FAM229B: variants seen among roughly 807,000 people sequenced by gnomAD.
FAM229B encodes the protein family with sequence similarity 229 member B.
Under a neutral mutation model 6.7 loss-of-function variants are expected in FAM229B, and 2 were observed. The observed-to-expected ratio is 0.30, with a 90% CI of 0.12 to 0.94. The LOEUF is 0.94. Ranked by LOEUF, FAM229B falls within the 40% of genes least tolerant of loss-of-function variation. FAM229B has a pLI of 0.54. For missense variants in FAM229B, 93 were observed against 96.2 expected, an observed-to-expected ratio of 0.97 and a Z score of 0.14; for synonymous variants, 29 against 34.0, an observed-to-expected ratio of 0.85 and a Z score of 0.51.
At chr6:112,094,235 G>C (rs1777293604) in intron 1 of FAM229B, among the ~76,000 whole-genome samples, 1 of 152,038 alleles carries the variant, frequency 6.6e-6, no homozygotes. Flanking sequence ...ATAGTAAATA[G>C]AAAATAGAGA....
intron 2 of FAM229B, 87 bp from the exon 3 acceptor site, chr6:112,099,183 A>AT: frequency 8.4e-7 from 1 of 1,183,878 alleles, no homozygotes; most frequent in Admixed American, 2.2e-5. Context: ...AAAACATTCC[A>AT]TGCAAGTCTT....
At chr6:112,091,686 C>T (rs782708655) in intron 1 of FAM229B, among the ~76,000 whole-genome samples, 2 of 151,920 alleles carry the variant, frequency 1.3e-5, no homozygotes, top group Non-Finnish European at 2.9e-5. Context: ...ATGCCTGGCA[C>T]CCAAGTCAAA....
intron 1 of FAM229B, among the ~76,000 whole-genome samples, chr6:112,088,645 G>A (rs1311659128): frequency 1.3e-5 from 2 of 151,950 alleles, no homozygotes; most frequent in Non-Finnish European, 2.9e-5. Flanking sequence ...TTGGTAATAG[G>A]CAGCTTTCGG....
chr6:112,095,657 A>C (rs1777313591), intron 1 of FAM229B, among the ~76,000 whole-genome samples: 2 of 141,136 alleles, frequency 1.4e-5, no homozygotes, highest in Non-Finnish European at 3.1e-5. Context: ...AAAAAAAAAA[A>C]AAACCAAAAA....
At chr6:112,091,353 T>C (rs1777254375) in intron 1 of FAM229B, among the ~76,000 whole-genome samples, 1 of 152,138 alleles carries the variant, frequency 6.6e-6, no homozygotes, top group Non-Finnish European at 1.5e-5. Context: ...ATGGAAACTA[T>C]GTAAGACTGA....
chr6:112,098,347 G>T (rs1777353792), intron 2 of FAM229B, among the ~76,000 whole-genome samples: 1 of 152,104 alleles, frequency 6.6e-6, no homozygotes, highest in African/African-American at 2.4e-5. Context: ...ATATGTGTTT[G>T]TGTGTGTATT....
At position 112,087,707 on chromosome 6, in the gene FAM229B, G is replaced by A. The variant is rs1777194120; in HGVS notation, c.-189G>A. 2.1e-6 allele frequency: 1 copy of A among 471,926 alleles called. No homozygotes were observed. Among genetic ancestry groups the A allele is most frequent in the Non-Finnish European group, 3.8e-6 (1 of 265,410 alleles). 29.2% of individuals were successfully genotyped at this position (471,926 alleles called of 1,614,324 possible). A position where few individuals can be genotyped will look rare whatever the true frequency, so the allele number is the denominator to read the frequency against. On this transcript the variant is annotated 5_prime_UTR_variant, in exon 1 of 4. Transcript: ENST00000368656. ...TCGAGCATCGGCAGCTCCGGAGGCC[G>A]GGGTAACTGGCAGGTAACTAGGCTT...
chr6:112,092,862 AC>A (rs1777275561), intron 1 of FAM229B, among the ~76,000 whole-genome samples: 1 of 151,948 alleles, frequency 6.6e-6, no homozygotes, highest in South Asian at 2.1e-4. Context: ...TATACTATAA[AC>A]CCTAAAGTAA....
At chr6:112,095,635 C>CAAAAAAAAAAAAAAAAAACAAAAAAAA (rs1777311466) in intron 1 of FAM229B, among the ~76,000 whole-genome samples, 1 of 48,796 alleles carries the variant, frequency 2.0e-5, no homozygotes, top group Non-Finnish European at 3.6e-5. Context: ...GACCCTGTCT[C>CAAAAAAAAAAAAAAAAAACAAAAAAAA]AAAAAAAAAA....
chr6:112,099,888 T>C (rs1401552464), intron 3 of FAM229B, among the ~76,000 whole-genome samples: 1 of 152,240 alleles, frequency 6.6e-6, no homozygotes, highest in Non-Finnish European at 1.5e-5. Context: ...AAGAGTGATA[T>C]AGAATCTGAA....
At chr6:112,091,364 G>A (rs1398718235) in intron 1 of FAM229B, among the ~76,000 whole-genome samples, 1 of 152,114 alleles carries the variant, frequency 6.6e-6, no homozygotes, top group East Asian at 1.9e-4. Context: ...GTAAGACTGA[G>A]GAAAGAACCA....
rs1315919345 is a variant in FAM229B, at chr6:112,102,687, T to G, written c.*1900T>G. On this transcript the variant is annotated 3_prime_UTR_variant, in exon 4 of 4. Coordinates refer to ENST00000368656, the MANE Select transcript of FAM229B (RefSeq NM_001033564.3). ...CTACTCTGGACTTGCCCTAACAGAG[T>G]TTAAGAGCAACATTTGAAAGGATCA... is the stretch of plus-strand genomic sequence containing the variant. The G allele has an allele frequency of 6.6e-6, 1 of 151,750 alleles. No individual in the cohort carries two copies. The highest frequency in any genetic ancestry group is 2.4e-5 in the African/African-American group (1 of 41,246). The allele number at this position is 151,750 out of a possible 1,614,324, so 9.4% of individuals were successfully genotyped here. A position where few individuals can be genotyped will look rare whatever the true frequency, so the allele number is the denominator to read the frequency against.
intron 1 of FAM229B, among the ~76,000 whole-genome samples, chr6:112,094,130 G>A (rs1217632255): frequency 1.3e-5 from 2 of 152,022 alleles, no homozygotes; most frequent in African/African-American, 2.4e-5. Context: ...AATGACCTAA[G>A]CTTCTACCTT....
intron 1 of FAM229B, among the ~76,000 whole-genome samples, chr6:112,087,970 T>G (rs1777200191): frequency 6.6e-6 from 1 of 152,200 alleles, no homozygotes; most frequent in South Asian, 2.1e-4. Context: ...TGAAACTAGA[T>G]GGTTATACGC....
Position 112,101,051 on chromosome 6 carries a change from A to C in FAM229B, c.*264A>C. On this transcript the variant is annotated 3_prime_UTR_variant, in exon 4 of 4. Transcript: ENST00000368656. ...TCATCTTGCTCACAGTAGATCATTA[A>C]TATCAATAATTAAAGATGAAGCTTA... 1 of 293,720 alleles carries C rather than the reference A, an allele frequency of 3.4e-6. No individual in the cohort carries two copies. The highest frequency in any genetic ancestry group is 7.8e-5 in the South Asian group (1 of 12,786). The allele number at this position is 293,720 out of a possible 1,614,324, so 18.2% of individuals were successfully genotyped here. A position where few individuals can be genotyped will look rare whatever the true frequency, so the allele number is the denominator to read the frequency against.
chr6:112,099,886 T>C (rs1392504525), intron 3 of FAM229B, among the ~76,000 whole-genome samples: 3 of 152,250 alleles, frequency 2.0e-5, no homozygotes, highest in Non-Finnish European at 4.4e-5. Flanking sequence ...GAAAGAGTGA[T>C]ATAGAATCTG....
At chr6:112,095,499 G>T (rs189582525) in intron 1 of FAM229B, among the ~76,000 whole-genome samples, 1 of 151,668 alleles carries the variant, frequency 6.6e-6, no homozygotes, top group Admixed American at 6.6e-5. Flanking sequence ...GGGCATAGTG[G>T]TGTGCACCTG....
chr6:112,097,222 T>C (rs1393430776), intron 2 of FAM229B, 21 bp downstream of exon 2: 1 of 152,200 alleles, frequency 6.6e-6, no homozygotes, highest in Non-Finnish European at 1.5e-5. Flanking sequence ...TTATCCTTGA[T>C]CAAATTAGCT....
chr6:112,088,747 T>C (rs782079960), intron 1 of FAM229B, among the ~76,000 whole-genome samples: 2 of 152,232 alleles, frequency 1.3e-5, no homozygotes, highest in African/African-American at 4.8e-5. Context: ...TAGGTCTTGA[T>C]GCTAAAGTCC....
Sources: allele counts gnomAD v4.1 joint callset (sites outside exome capture counted in the v4.1 genomes callset), GRCh38; gene constraint gnomAD v4.1.1; transcripts MANE v1.5; gene names NCBI Gene and HGNC (gene_info 2026-07-23, HGNC 2026-07-21).